Variants in GLYATL2 observed in about 807,000 individuals in gnomAD.
The protein encoded by GLYATL2 is glycine N-acyltransferase-like protein 2.
In GLYATL2, 25 loss-of-function variants were observed where a neutral mutation model predicts 21.4. The ratio of observed to expected loss-of-function variants is 1.17; its 90% CI spans 0.85 to 1.63. The LOEUF (loss-of-function observed/expected upper bound fraction) is 1.63. Among genes scored for constraint, GLYATL2 ranks in the 40% most tolerant of loss-of-function variants. The probability of loss-of-function intolerance (pLI) is 0.00; values close to 1 mark genes in which losing one functional copy is unlikely to be tolerated. For synonymous variants in GLYATL2, 114 were observed against 118.2 expected (o/e 0.96, Z 0.23); for missense variants, 361 against 343.3 (o/e 1.05, Z -0.41).
intron 1 of GLYATL2, among the ~76,000 whole-genome samples, chr11:58,883,754 G>C (rs1162600764): frequency 6.6e-6 from 1 of 152,144 alleles, no homozygotes; most frequent in African/African-American, 2.4e-5. Context: ...GCCTGGCAGA[G>C]ACACAACAAA....
upstream of GLYATL2, among the ~76,000 whole-genome samples, chr11:58,847,623 G>T (rs1238364784): frequency 4.6e-5 from 7 of 152,230 alleles, no homozygotes; most frequent in Non-Finnish European, 1.0e-4. Context: ...AAAGGCAAAA[G>T]TGGGAAGAAC....
intron 1 of GLYATL2, among the ~76,000 whole-genome samples, chr11:58,860,142 C>A (rs1207492958): frequency 1.3e-5 from 2 of 151,900 alleles, no homozygotes; most frequent in Non-Finnish European, 2.9e-5. Flanking sequence ...GTTTTATATT[C>A]CTTTGAAGAA....
At chr11:58,892,657 C>G (rs940911390) in intron 1 of GLYATL2, 2 of 338,484 alleles carry the variant, frequency 5.9e-6, no homozygotes, top group Non-Finnish European at 1.2e-5. Context: ...TGCCTTTCTT[C>G]CCAGGTCTTC....
intron 1 of GLYATL2, among the ~76,000 whole-genome samples, chr11:58,884,051 A>G (rs138321040): frequency 6.6e-6 from 1 of 152,318 alleles, no homozygotes; most frequent in East Asian, 1.9e-4. Context: ...TAAACTAGGT[A>G]TTGATGGGAT....
chr11:58,846,029 T>C (rs1220230898), upstream of GLYATL2, among the ~76,000 whole-genome samples: 1 of 152,194 alleles, frequency 6.6e-6, no homozygotes, highest in African/African-American at 2.4e-5. Context: ...ATATTCATAA[T>C]TGTAAACGAT....
At chr11:58,848,036 G>T (rs376905957), upstream of GLYATL2, among the ~76,000 whole-genome samples, 4 of 134,004 alleles carry the variant, frequency 3.0e-5, no homozygotes, top group Non-Finnish European at 3.1e-5. Flanking sequence ...AGTAAGGGAA[G>T]AAAACAGAAC....
At chr11:58,859,190 C>G (rs368422903) in intron 1 of GLYATL2, among the ~76,000 whole-genome samples, 15 of 152,068 alleles carry the variant, frequency 9.9e-5, no homozygotes, top group African/African-American at 1.4e-4. Context: ...GAGTCCCTCT[C>G]TCCTCTGCTA....
chr11:58,895,759 T>C (rs1424419713), intron 1 of GLYATL2, among the ~76,000 whole-genome samples: 3 of 77,528 alleles, frequency 3.9e-5, no homozygotes, highest in Admixed American at 1.7e-4. Context: ...GCCTCAAGCA[T>C]AGATAAGCAA....
At chr11:58,906,858 G>C (rs1234479836), upstream of GLYATL2, among the ~76,000 whole-genome samples, 1 of 152,170 alleles carries the variant, frequency 6.6e-6, no homozygotes, top group Non-Finnish European at 1.5e-5. Flanking sequence ...TAAACAACGC[G>C]GTGCTCATTT....
At chr11:58,878,704 A>C (rs1366314462) in intron 1 of GLYATL2, among the ~76,000 whole-genome samples, 1 of 152,148 alleles carries the variant, frequency 6.6e-6, no homozygotes, top group Non-Finnish European at 1.5e-5. Context: ...ACTGGCTAGG[A>C]GAACCTGAGA....
At chr11:58,853,975 T>C (rs1853785348) in intron 1 of GLYATL2, among the ~76,000 whole-genome samples, 2 of 152,128 alleles carry the variant, frequency 1.3e-5, no homozygotes, top group South Asian at 4.1e-4. Flanking sequence ...CCTCCTCCAA[T>C]GTCTGGTAAC....
chr11:58,879,103 G>GA (rs199728195), intron 1 of GLYATL2, among the ~76,000 whole-genome samples: 9 of 151,234 alleles, frequency 6.0e-5, no homozygotes, highest in Non-Finnish European at 8.8e-5. Flanking sequence ...GACTGCTGGG[G>GA]AAAAAAAATA....
At chr11:58,869,452 C>A (rs1306320104) in intron 1 of GLYATL2, among the ~76,000 whole-genome samples, 3 of 152,082 alleles carry the variant, frequency 2.0e-5, no homozygotes, top group Admixed American at 6.6e-5. Flanking sequence ...CTGCTTTACC[C>A]AAAATTTTGG....
intron 1 of GLYATL2, among the ~76,000 whole-genome samples, chr11:58,882,826 T>C (rs935591274): frequency 6.6e-6 from 1 of 152,186 alleles, no homozygotes; most frequent in African/African-American, 2.4e-5. Context: ...CAATACCATT[T>C]ATTAAATAGG....
intron 1 of GLYATL2, among the ~76,000 whole-genome samples, chr11:58,884,558 T>G (rs539051039): frequency 6.6e-6 from 1 of 152,282 alleles, no homozygotes; most frequent in African/African-American, 2.4e-5. Flanking sequence ...TTCTCAGGCA[T>G]CTGATGACCA....
intron 1 of GLYATL2, among the ~76,000 whole-genome samples, chr11:58,843,968 G>A (rs1853598040): frequency 6.6e-6 from 1 of 152,150 alleles, no homozygotes; most frequent in South Asian, 2.1e-4. Flanking sequence ...AATGAATGGA[G>A]AGAAATTTGG....
At chr11:58,898,873 A>G (rs1295623611) in intron 1 of GLYATL2, among the ~76,000 whole-genome samples, 1 of 152,174 alleles carries the variant, frequency 6.6e-6, no homozygotes, top group Non-Finnish European at 1.5e-5. Context: ...TATTTCCTGG[A>G]TGTAAATATG....
At chr11:58,902,374 CTCTTT>C (rs559825321) in intron 1 of GLYATL2, among the ~76,000 whole-genome samples, 4 of 152,310 alleles carry the variant, frequency 2.6e-5, no homozygotes, top group Admixed American at 2.6e-4. Flanking sequence ...GACAGTTCCA[CTCTTT>C]TCTTCTGTCA....
At chr11:58,902,027 A>G (rs1366182385) in intron 1 of GLYATL2, among the ~76,000 whole-genome samples, 1 of 152,138 alleles carries the variant, frequency 6.6e-6, no homozygotes, top group Non-Finnish European at 1.5e-5. Flanking sequence ...GGATGTTACC[A>G]TCCCCATGAG....
Sources: allele counts gnomAD v4.1 joint callset (sites outside exome capture counted in the v4.1 genomes callset), GRCh38; gene constraint gnomAD v4.1.1; transcripts MANE v1.5; gene names NCBI Gene and HGNC (gene_info 2026-07-23, HGNC 2026-07-21).